The following TSHZ2 variants were observed in gnomAD, a reference collection of about 807,000 sequenced individuals.
TSHZ2 encodes teashirt zinc finger homeobox 2, also known as teashirt homolog 2.
TSHZ2 carries 21 observed loss-of-function variants against 74.4 expected under a neutral mutation model. The ratio of observed to expected loss-of-function variants is 0.28; its 90% CI spans 0.20 to 0.41. The LOEUF is 0.41. TSHZ2 is among the 10% of genes least tolerant of loss of function. The probability of loss-of-function intolerance (pLI) is 1.00; values close to 1 mark genes in which losing one functional copy is unlikely to be tolerated. For missense variants in TSHZ2, 1,244 were observed against 1,293.5 expected (o/e 0.96, Z 0.59); for synonymous variants, 540 against 515.3 (o/e 1.05, Z -0.65).
At chr20:53,335,313 A>G (rs1284692323) in intron 2 of TSHZ2, among the ~76,000 whole-genome samples, 4 of 152,224 alleles carry the variant, frequency 2.6e-5, no homozygotes, top group Non-Finnish European at 5.9e-5. Flanking sequence ...AAAGATGGTC[A>G]TCATGGAAGT....
rs557896044 is a variant in TSHZ2, at chr20:53,416,780, G to A, written c.*9-70364G>A. ...AATCATAACAACAGGACTTCTTTTC[G>A]TCACATAGAGAAATAATCCATTGAT... On this transcript the variant is annotated intron_variant, in intron 2 of 2. Coordinates refer to ENST00000371497, the MANE Select transcript of TSHZ2 (RefSeq NM_173485.6). Among the ~76,000 whole-genome samples, 9 of 152,216 alleles carry A rather than the reference G, an allele frequency of 5.9e-5. No individual in the cohort carries two copies. In the South Asian group the frequency reaches 1.2e-3, roughly 21 times the overall value.
At chr20:53,461,143 G>A (rs1247637504) in intron 2 of TSHZ2, among the ~76,000 whole-genome samples, 150 of 151,954 alleles carry the variant, frequency 9.9e-4, no homozygotes, top group South Asian at 3.5e-3. Context: ...CCCCAGCCTC[G>A]CTGCCGCCTT....
At chr20:53,222,357 T>C (rs1033625800) in intron 1 of TSHZ2, among the ~76,000 whole-genome samples, 2 of 152,210 alleles carry the variant, frequency 1.3e-5, no homozygotes, top group Non-Finnish European at 2.9e-5. Flanking sequence ...TTCAGTGGTG[T>C]ACCTCAATGC....
intron 1 of TSHZ2, among the ~76,000 whole-genome samples, chr20:53,071,560 CTCTG>C (rs1299809430): frequency 6.6e-6 from 1 of 152,178 alleles, no homozygotes; most frequent in Admixed American, 6.5e-5. Context: ...ATTGCAAAGT[CTCTG>C]TCCTCTTCTT....
intron 1 of TSHZ2, among the ~76,000 whole-genome samples, chr20:52,985,945 A>G (rs1303418226): frequency 6.6e-6 from 1 of 152,240 alleles, no homozygotes; most frequent in African/African-American, 2.4e-5. Context: ...ATGTAGTGAA[A>G]GTAATGTCCC....
chr20:53,192,031 T>G (rs1450468459), intron 1 of TSHZ2, among the ~76,000 whole-genome samples: 1 of 152,212 alleles, frequency 6.6e-6, no homozygotes, highest in Non-Finnish European at 1.5e-5. Context: ...AAAATCACAA[T>G]AGCAGTGAAC....
intron 1 of TSHZ2, among the ~76,000 whole-genome samples, chr20:53,184,528 TA>T (rs2123521038): frequency 6.6e-6 from 1 of 152,172 alleles, no homozygotes; most frequent in East Asian, 1.9e-4. Context: ...AATAAGAAAA[TA>T]AAAACATCCA....
intron 1 of TSHZ2, among the ~76,000 whole-genome samples, chr20:53,224,396 A>G (rs1989633711): frequency 6.6e-6 from 1 of 152,212 alleles, no homozygotes; most frequent in Non-Finnish European, 1.5e-5. Flanking sequence ...GACACTAACT[A>G]TCTGGGTGGT....
At chr20:53,268,506 A>G (rs1056307501) in intron 2 of TSHZ2, among the ~76,000 whole-genome samples, 2 of 152,200 alleles carry the variant, frequency 1.3e-5, no homozygotes, top group African/African-American at 4.8e-5. Flanking sequence ...GTACCACTTC[A>G]TGGCTAAGCA....
At chr20:53,325,168 G>T (rs1180412068) in intron 2 of TSHZ2, among the ~76,000 whole-genome samples, 1 of 152,118 alleles carries the variant, frequency 6.6e-6, no homozygotes, top group Non-Finnish European at 1.5e-5. Flanking sequence ...GTTTTTCTTG[G>T]TTTTTTGATT....
chr20:53,353,746 T>C (rs1980741956), intron 2 of TSHZ2, among the ~76,000 whole-genome samples: 1 of 152,252 alleles, frequency 6.6e-6, no homozygotes, highest in African/African-American at 2.4e-5. Flanking sequence ...GAAATAACTA[T>C]GTCATTCAGT....
At chr20:53,464,089 A>C (rs528052103) in intron 2 of TSHZ2, among the ~76,000 whole-genome samples, 2 of 152,250 alleles carry the variant, frequency 1.3e-5, no homozygotes, top group South Asian at 4.2e-4. Context: ...ATCAAGGTAG[A>C]GCAATGGGCC....
chr20:53,012,046 T>A (rs1216375840), intron 1 of TSHZ2, among the ~76,000 whole-genome samples: 1 of 152,176 alleles, frequency 6.6e-6, no homozygotes, highest in Non-Finnish European at 1.5e-5. Context: ...CCACGATATC[T>A]GGTTTCAAAG....
intron 2 of TSHZ2, among the ~76,000 whole-genome samples, chr20:53,319,476 T>C (rs761137605): frequency 5.9e-5 from 9 of 152,244 alleles, no homozygotes; most frequent in Non-Finnish European, 4.4e-5. Context: ...AGTCTGGCCG[T>C]TAACCACTAG....
At chr20:53,057,765 G>T (rs1024012067) in intron 1 of TSHZ2, among the ~76,000 whole-genome samples, 3 of 152,200 alleles carry the variant, frequency 2.0e-5, no homozygotes, top group Non-Finnish European at 2.9e-5. Context: ...TGTCCTCAGG[G>T]AGTCCAGAGT....
At chr20:53,189,450 A>G (rs1214517060) in intron 1 of TSHZ2, among the ~76,000 whole-genome samples, 1 of 152,228 alleles carries the variant, frequency 6.6e-6, no homozygotes, top group African/African-American at 2.4e-5. Flanking sequence ...TTCAGAGAAA[A>G]TACTCTGTAG....
intron 2 of TSHZ2, among the ~76,000 whole-genome samples, chr20:53,312,120 A>G (rs1600804664): frequency 1.3e-5 from 2 of 152,304 alleles, no homozygotes; most frequent in Admixed American, 6.5e-5. Flanking sequence ...CTTACCTGTA[A>G]TGATGCAACT....
In TSHZ2 at chr20:53,475,829, C is replaced by T. The variant is rs1243807316; in HGVS notation, c.*9-11315C>T. 7.3e-5 allele frequency among the ~76,000 whole-genome samples: 10 copies of T among 136,922 alleles called. 3 individuals are homozygous for T. The highest frequency in any genetic ancestry group is 1.2e-4 in the Non-Finnish European group (8 of 64,354). 89.8% of individuals were successfully genotyped at this position (136,922 alleles called of 152,430 possible). ...CAATAAAAAATGACAAAGGGGATATCACCACCGATCCCACAGAAATACAAA... is the reference window on the plus strand; with the variant it reads ...CAATAAAAAATGACAAAGGGGATATTACCACCGATCCCACAGAAATACAAA... On this transcript the variant is annotated intron_variant, in intron 2 of 2. Coordinates refer to ENST00000371497, the MANE Select transcript of TSHZ2 (RefSeq NM_173485.6).
chr20:53,231,740 C>T (rs915654820), intron 1 of TSHZ2, among the ~76,000 whole-genome samples: 9 of 152,156 alleles, frequency 5.9e-5, no homozygotes, highest in East Asian at 1.9e-4. Flanking sequence ...TCAACCTCTA[C>T]GGGAACACAC....
Sources: allele counts gnomAD v4.1 joint callset (sites outside exome capture counted in the v4.1 genomes callset), GRCh38; gene constraint gnomAD v4.1.1; transcripts MANE v1.5; gene names NCBI Gene and HGNC (gene_info 2026-07-23, HGNC 2026-07-21).